CA6: variants seen among roughly 807,000 people sequenced by gnomAD.
The protein encoded by CA6 is carbonate dehydratase VI.
Under a neutral mutation model 35.9 loss-of-function variants are expected in CA6, and 28 were observed. The ratio of observed to expected loss-of-function variants is 0.78; its 90% CI spans 0.58 to 1.07. CA6 has a LOEUF of 1.07. Ranked by LOEUF, CA6 falls within the 50% of genes least tolerant of loss-of-function variation. The pLI is 0.00. For synonymous variants in CA6, 148 were observed against 152.6 expected, an observed-to-expected ratio of 0.97 and a Z score of 0.22; for missense variants, 377 against 382.0, an observed-to-expected ratio of 0.99 and a Z score of 0.11.
At chr1:8,956,688 A>T (rs1291583447) in intron 2 of CA6, among the ~76,000 whole-genome samples, 1 of 152,132 alleles carries the variant, frequency 6.6e-6, no homozygotes. Flanking sequence ...AGAAAAGAAA[A>T]CAGTTCTAAG....
intron 6 of CA6, 112 bp downstream of exon 6, chr1:8,967,928 C>A: frequency 7.6e-6 from 6 of 791,868 alleles, no homozygotes; most frequent in Non-Finnish European, 9.9e-6. Flanking sequence ...ACAGTATTTT[C>A]TGTGTGCAGG....
At chr1:8,970,755 C>A in intron 6 of CA6, 112 bp from the exon 7 acceptor site, 1 of 746,612 alleles carries the variant, frequency 1.3e-6, no homozygotes, top group South Asian at 1.5e-5. Flanking sequence ...CCCGCCCCAG[C>A]CTCCCAAAAT....
At chr1:8,964,671 C>T (rs1639926012) in intron 5 of CA6, among the ~76,000 whole-genome samples, 2 of 152,172 alleles carry the variant, frequency 1.3e-5, no homozygotes, top group Non-Finnish European at 2.9e-5. Context: ...CCCCAGCTTC[C>T]CCCAGTTCTC....
chr1:8,970,537 TTCTC>T (rs1640081581), intron 6 of CA6, among the ~76,000 whole-genome samples: 1 of 152,014 alleles, frequency 6.6e-6, no homozygotes, highest in South Asian at 2.1e-4. Context: ...GAGACAGAGT[TTCTC>T]TCTGTCTCCC....
Position 8,970,996 on chromosome 1 carries a change from C to T in CA6, c.844+15C>T, listed in dbSNP as rs751421530. On this transcript the variant is annotated intron_variant, in intron 7 of 7. Coordinates refer to ENST00000377443, the MANE Select transcript of CA6 (RefSeq NM_001215.4). ...CCCGAATCAGGGTGAGTGAGACCGA[C>T]TCTTGATCATGCTCTGCAGTTTAAC... 2.7e-6 allele frequency: 4 copies of T among 1,502,412 alleles called. No homozygotes were observed. Among genetic ancestry groups the T allele is most frequent in the Non-Finnish European group, 3.7e-6 (4 of 1,078,304 alleles). The allele number at this position is 1,502,412 out of a possible 1,614,324, so 93.1% of individuals were successfully genotyped here.
chr1:8,950,926 A>G (rs974740874), intron 2 of CA6, among the ~76,000 whole-genome samples: 10 of 152,110 alleles, frequency 6.6e-5, no homozygotes, highest in Non-Finnish European at 1.3e-4. Flanking sequence ...AATCAAGAAA[A>G]TAAAACCAGC....
rs1267623740 is a variant in CA6 at position 8,967,687 on chromosome 1, C to T, written c.600C>T (p.Asp200=). Residue 200 remains aspartate, a synonymous_variant, in exon 6 of 8, where the codon GAC becomes GAT. Transcript: ENST00000377443. ...AAAGAACAACCCTGACTGGCCTTGA[C>T]GTTCAGGACATGCTGCCCAGGAACC... ...PGQRTTLTGL[D]VQDMLPRNLQ... is the part of the protein sequence containing the mutation. 5 of 1,614,062 alleles carry T rather than the reference C, an allele frequency of 3.1e-6. No homozygotes were observed. The highest frequency in any genetic ancestry group is 2.7e-5 in the African/African-American group (2 of 75,042).
chr1:8,968,797 C>T lies in CA6; in HGVS notation c.729+981C>T, dbSNP rs550460804. On this transcript the variant is annotated intron_variant, in intron 6 of 7. Coordinates refer to ENST00000377443, the MANE Select transcript of CA6 (RefSeq NM_001215.4). Reference sequence around the variant, plus strand: ...TTGGGAGGCCAAAGTGGGTGGATCACCTGAGGTCAGGAGTTTGAGATCAGC... The same window carrying T: ...TTGGGAGGCCAAAGTGGGTGGATCATCTGAGGTCAGGAGTTTGAGATCAGC... Among the ~76,000 whole-genome samples, 20 of 151,252 alleles carry T rather than the reference C, an allele frequency of 1.3e-4. No individual in the cohort carries two copies. In the South Asian group the frequency reaches 3.3e-3, roughly 25 times the overall value.
At chr1:8,958,869 T>C in intron 3 of CA6, 41 bp from the exon 4 acceptor site, 1 of 1,085,300 alleles carries the variant, frequency 9.2e-7, no homozygotes, top group South Asian at 1.3e-5. Flanking sequence ...CATTTGAATT[T>C]CTATGAACTG....
chr1:8,949,502 T>G, intron 2 of CA6, 60 bp downstream of exon 2: 1 of 1,402,512 alleles, frequency 7.1e-7, no homozygotes, highest in South Asian at 1.2e-5. Context: ...GGAAGGCAGG[T>G]TACACGTGTC....
intron 2 of CA6, among the ~76,000 whole-genome samples, chr1:8,955,486 C>T (rs528888077): frequency 2.0e-5 from 3 of 152,290 alleles, no homozygotes; most frequent in Admixed American, 6.5e-5. Context: ...TTCCGTCTCC[C>T]GGGAGCTGTG....
At chr1:8,966,975 T>TAA (rs1346438523) in intron 5 of CA6, among the ~76,000 whole-genome samples, 16 of 96,764 alleles carry the variant, frequency 1.7e-4, no homozygotes, top group African/African-American at 1.1e-3. Context: ...ATTTATTATT[T>TAA]AAAAAAATAA....
At chr1:8,970,163 G>A (rs566009608) in intron 6 of CA6, among the ~76,000 whole-genome samples, 2 of 142,474 alleles carry the variant, frequency 1.4e-5, no homozygotes, top group Admixed American at 7.5e-5. Flanking sequence ...CCGCAATCGC[G>A]TCACTGCACT....
intron 2 of CA6, among the ~76,000 whole-genome samples, chr1:8,954,323 C>T (rs894530485): frequency 3.9e-5 from 6 of 152,164 alleles, no homozygotes; most frequent in African/African-American, 1.4e-4. Context: ...CACCACCATG[C>T]TCCATTAAGT....
At chr1:8,959,188 C>T (rs1050385287) in intron 4 of CA6, among the ~76,000 whole-genome samples, 186 bp downstream of exon 4, 1 of 152,168 alleles carries the variant, frequency 6.6e-6, no homozygotes, top group Non-Finnish European at 1.5e-5. Flanking sequence ...ATCTCCGGAC[C>T]TTGGTTAACG....
intron 5 of CA6, 133 bp from the exon 6 acceptor site, chr1:8,967,526 G>A (rs1406889795): frequency 1.6e-5 from 11 of 694,626 alleles, no homozygotes; most frequent in Admixed American, 3.0e-5. Flanking sequence ...CTGGGAAATT[G>A]TTTCTTAATC....
chr1:8,962,591 AG>A lies in CA6; in HGVS notation c.507del (p.Asn170IlefsTer27). 1 of 1,613,460 alleles carries A rather than the reference AG, an allele frequency of 6.2e-7. No individual in the cohort carries two copies. The highest frequency in any genetic ancestry group is 1.3e-5 in the African/African-American group (1 of 75,060). ...GTGCTCTGTGTTTCTCTGCAGGTGAAGAATTACCCTGAAAACACTTATTACA... is the reference window on the plus strand; with the variant it reads ...GTGCTCTGTGTTTCTCTGCAGGTGAAAATTACCCTGAAAACACTTATTACA... ...LAVLAAFVEV[K>X]NYPENTYYSN... On this transcript the variant is annotated frameshift_variant, in exon 5 of 8. Coordinates refer to ENST00000377443, the MANE Select transcript of CA6 (RefSeq NM_001215.4). LOFTEE classifies it high-confidence loss of function.
intron 2 of CA6, among the ~76,000 whole-genome samples, chr1:8,953,660 T>A (rs1187425004): frequency 1.3e-5 from 2 of 151,748 alleles, no homozygotes; most frequent in Non-Finnish European, 2.9e-5. Flanking sequence ...AATCAATCAA[T>A]TCCATGTGTA....
At chr1:8,948,265 G>A (rs1221863220) in intron 1 of CA6, among the ~76,000 whole-genome samples, 1 of 152,116 alleles carries the variant, frequency 6.6e-6, no homozygotes, top group African/African-American at 2.4e-5. Context: ...CTGTATGGGA[G>A]CCAAGTCACC....
Sources: allele counts gnomAD v4.1 joint callset (sites outside exome capture counted in the v4.1 genomes callset), GRCh38; gene constraint gnomAD v4.1.1; transcripts MANE v1.5; gene names NCBI Gene and HGNC (gene_info 2026-07-23, HGNC 2026-07-21).